RFT1: variants seen among roughly 807,000 people sequenced by gnomAD.
RFT1 encodes the protein RFT1 glycolipid translocator homolog, also known as man(5)GlcNAc(2)-PP-dolichol translocation protein RFT1.
In RFT1, 43 loss-of-function variants were observed where a neutral mutation model predicts 62.2. That is an observed-to-expected ratio of 0.69 (90% confidence interval 0.54 to 0.89). The LOEUF is 0.89. Among genes scored for constraint, RFT1 ranks in the 40% least tolerant of loss-of-function variants. The pLI is 0.00. For missense variants in RFT1, 605 were observed against 649.9 expected, an observed-to-expected ratio of 0.93 and a Z score of 0.75; for synonymous variants, 262 against 264.6, an observed-to-expected ratio of 0.99 and a Z score of 0.10.
At position 53,119,894 on chromosome 3, in the gene RFT1, G is replaced by A; in HGVS notation, c.686C>T (p.Thr229Ile). Residue 229 changes from threonine to isoleucine, a missense_variant, in exon 6 of 13, where the codon ACA (threonine) becomes ATA (isoleucine). Transcript: ENST00000296292. ...AAATGTATTACTTACTCCATTTCTT[G>A]TAATATTGGGTAACAGATCTGTTAT... ...SRITDLLPNI[T>I]RNGAFINWKE... 1 of 1,610,820 alleles carries A rather than the reference G, an allele frequency of 6.2e-7. No individual in the cohort carries two copies. The highest frequency in any genetic ancestry group is 8.5e-7 in the Non-Finnish European group (1 of 1,177,938).
chr3:53,084,722 C>T (rs913571768), downstream of RFT1, among the ~76,000 whole-genome samples: 3 of 152,226 alleles, frequency 2.0e-5, no homozygotes, highest in Admixed American at 6.5e-5. Context: ...GCACTGTGAA[C>T]CCAGGTGGCC....
chr3:53,082,703 T>C, the RFT1 span, among the ~76,000 whole-genome samples: 2 of 151,176 alleles, frequency 1.3e-5, no homozygotes, highest in Non-Finnish European at 3.0e-5. Context: ...ACCTGTAAAA[T>C]GTGTCTCCCC....
In RFT1 at chr3:53,101,650, C is replaced by T. The variant is rs1398545205; in HGVS notation, c.1103-2164G>A. Among the ~76,000 whole-genome samples the T allele has an allele frequency of 2.0e-5, 3 of 152,112 alleles. No homozygotes were observed. The East Asian group carries it at 5.8e-4, about 29-fold the overall frequency. Reference sequence around the variant, plus strand: ...GACCAGTGGTACCTGAGAATCTGTCCTTATTTGGAAACAGGGTGTTCATGA... The same window carrying T: ...GACCAGTGGTACCTGAGAATCTGTCTTTATTTGGAAACAGGGTGTTCATGA... On this transcript the variant is annotated intron_variant, in intron 10 of 12. Transcript: ENST00000296292.
At position 53,092,006 on chromosome 3, in the gene RFT1, C is replaced by G. The variant is rs775831032; in HGVS notation, c.1523G>C (p.Cys508Ser). Residue 508 changes from cysteine to serine, a missense_variant, in exon 13 of 13, where the codon TGT (cysteine) becomes TCT (serine). By Grantham distance (112) the Cys-to-Ser change is moderately radical (BLOSUM62 -1). Transcript: ENST00000296292. ...TGCTGTCCCGAGAGTTGCTCCCAGA[C>G]AGAAGGCCCCCACAGCAATGTGTGC... ...RLAHIAVGAF[C>S]LGATLGTAFL... 8.7e-6 allele frequency: 14 copies of G among 1,614,258 alleles called. No individual in the cohort carries two copies. Among genetic ancestry groups the G allele is most frequent in the Non-Finnish European group, 8.5e-7 (1 of 1,180,048 alleles).
At chr3:53,084,298 C>T (rs538746161), downstream of RFT1, among the ~76,000 whole-genome samples, 2 of 152,242 alleles carry the variant, frequency 1.3e-5, no homozygotes, top group Non-Finnish European at 2.9e-5. Flanking sequence ...TTATGCCATT[C>T]CCCTGGTGTT....
At chr3:53,094,812 C>T (rs1701096163) in intron 11 of RFT1, among the ~76,000 whole-genome samples, 2 of 151,830 alleles carry the variant, frequency 1.3e-5, no homozygotes, top group African/African-American at 4.8e-5. Flanking sequence ...ACAGCACAGC[C>T]TCTTTGATAT....
chr3:53,116,072 T>G lies in RFT1; in HGVS notation c.696+3812A>C, dbSNP rs147486570. On this transcript the variant is annotated intron_variant, in intron 6 of 12. Coordinates refer to ENST00000296292, the MANE Select transcript of RFT1 (RefSeq NM_052859.4). ...GCCATTATTTGAAGTATCATTAATT[T>G]ATTATAAGGTTAAATAAGCATCTTT... 7.4e-4 allele frequency among the ~76,000 whole-genome samples: 112 copies of G among 152,364 alleles called. 1 individual carries two copies. The highest frequency in any genetic ancestry group is 2.2e-3 in the African/African-American group (93 of 41,586).
intron 2 of RFT1, among the ~76,000 whole-genome samples, chr3:53,124,573 G>A (rs527521105): frequency 9.8e-5 from 15 of 152,314 alleles, no homozygotes; most frequent in South Asian, 8.3e-4. Flanking sequence ...GACAAGGGCT[G>A]TCAAAGCAGG....
chr3:53,120,466 C>G (rs867282364), intron 5 of RFT1, among the ~76,000 whole-genome samples: 1 of 152,156 alleles, frequency 6.6e-6, no homozygotes, highest in African/African-American at 2.4e-5. Context: ...GAAACCTGTG[C>G]CATTAATGAT....
At position 53,120,016 on chromosome 3, in the gene RFT1, G is replaced by A. The variant is rs1701924344; in HGVS notation, c.564C>T (p.Phe188=). The A allele has an allele frequency of 1.3e-6, 2 of 1,588,440 alleles. No individual in the cohort carries two copies. The highest frequency in any genetic ancestry group is 1.7e-6 in the Non-Finnish European group (2 of 1,171,440). ...GLYIFSLAQL[F]YTTVLVLCYV... ...AGCAGAGCACCAGAACTGTGGTATA[G>A]AAAAGCTGAGAAAAAAAATAAACTG... is the stretch of plus-strand genomic sequence containing the variant. The change falls in exon 6 of 13, where the codon TTC becomes TTT. Residue 188 remains phenylalanine, a synonymous_variant. Transcript: ENST00000296292.
chr3:53,121,494 T>C (rs1243276744), intron 5 of RFT1, among the ~76,000 whole-genome samples: 3 of 152,116 alleles, frequency 2.0e-5, no homozygotes, highest in Non-Finnish European at 4.4e-5. Flanking sequence ...CCTCACCAGG[T>C]CCCTAGAAAC....
chr3:53,112,220 T>C (rs1379473868), intron 6 of RFT1, among the ~76,000 whole-genome samples: 1 of 152,214 alleles, frequency 6.6e-6, no homozygotes, highest in African/African-American at 2.4e-5. Flanking sequence ...CAGCTCACAG[T>C]TTGTTCTTTC....
intron 6 of RFT1, among the ~76,000 whole-genome samples, chr3:53,114,506 G>C (rs1701739469): frequency 6.6e-6 from 1 of 152,180 alleles, no homozygotes; most frequent in Non-Finnish European, 1.5e-5. Context: ...ACAGAGGCAG[G>C]AAATCCAATC....
At chr3:53,080,912 G>A in the RFT1 span, among the ~76,000 whole-genome samples, 2 of 152,144 alleles carry the variant, frequency 1.3e-5, no homozygotes, top group Non-Finnish European at 2.9e-5. Context: ...TTCCCTCCCC[G>A]CCAAACTCCT....
intron 12 of RFT1, 114 bp downstream of exon 12, chr3:53,092,255 T>C: frequency 1.4e-6 from 2 of 1,474,844 alleles, no homozygotes; most frequent in South Asian, 1.2e-5. Flanking sequence ...GATGCTGCCC[T>C]AGAGGCCTGG....
At position 53,099,460 on chromosome 3, in the gene RFT1, G is replaced by T; in HGVS notation, c.1129C>A (p.Leu377Ile). The T allele has an allele frequency of 6.2e-7, 1 of 1,614,036 alleles. No individual in the cohort carries two copies. The change falls in exon 11 of 13, where the codon CTC becomes ATC. Residue 377 changes from leucine (L) to isoleucine (I), a missense_variant. By Grantham distance (5) the Leu-to-Ile change is conservative (BLOSUM62 2). Transcript: ENST00000296292. ...TTGATGGCAAGCAGGAGAACATAGA[G>T]ACAGTAGGAACGCAGCAAAACAGGA... ...SGPVLLRSYC[L>I]YVLLLAINGV...
intron 11 of RFT1, among the ~76,000 whole-genome samples, 165 bp downstream of exon 11, chr3:53,099,216 C>G (rs1701239447): frequency 6.6e-6 from 1 of 152,200 alleles, no homozygotes; most frequent in African/African-American, 2.4e-5. Context: ...CTGAACCATG[C>G]TGGTGCCACA....
intron 1 of RFT1, among the ~76,000 whole-genome samples, chr3:53,128,432 G>A (rs1297082920): frequency 1.3e-5 from 2 of 152,232 alleles, no homozygotes; most frequent in African/African-American, 4.8e-5. Flanking sequence ...TAATGAAACT[G>A]AGGTTGCTTA....
chr3:53,122,598 T>G, intron 3 of RFT1, 35 bp from the exon 4 acceptor site: 1 of 1,343,140 alleles, frequency 7.4e-7, no homozygotes, highest in Non-Finnish European at 1.0e-6. Flanking sequence ...CACTAAATTT[T>G]AAAATAAATA....
Sources: gnomAD v4.1 joint callset for allele counts (sites outside exome capture counted in the v4.1 genomes callset) on GRCh38, gnomAD v4.1.1 for gene constraint, MANE v1.5 for transcripts, NCBI Gene and HGNC (gene_info 2026-07-23, HGNC 2026-07-21) for gene names.